Variants in SLC35A3 observed in about 807,000 individuals in gnomAD.
The protein encoded by SLC35A3 is UDP-N-acetylglucosamine transporter.
Under a neutral mutation model 39.0 loss-of-function variants are expected in SLC35A3, and 26 were observed. The ratio of observed to expected loss-of-function variants is 0.67; its 90% CI spans 0.49 to 0.92. The LOEUF is 0.92. SLC35A3 is among the 40% of genes least tolerant of loss of function. The pLI, the probability that SLC35A3 is intolerant of heterozygous loss-of-function variation, is 0.00. For missense variants in SLC35A3, 299 were observed against 371.6 expected (o/e 0.80, Z 1.61); for synonymous variants, 135 against 133.1 (o/e 1.01, Z -0.10).
rs1661221502 is a variant in SLC35A3, at chr1:100,031,374, T to C, written c.*8898T>C. 1 of 152,234 alleles carries C rather than the reference T, an allele frequency of 6.6e-6. No individual in the cohort carries two copies. Among genetic ancestry groups the C allele is most frequent in the South Asian group, 2.1e-4 (1 of 4,832 alleles). The allele number at this position is 152,234 out of a possible 1,614,324, so 9.4% of individuals were successfully genotyped here. A position where few individuals can be genotyped will look rare whatever the true frequency, so the allele number is the denominator to read the frequency against. On this transcript the variant is annotated 3_prime_UTR_variant, in exon 8 of 8. Transcript: ENST00000533028. Reference sequence around the variant, plus strand: ...CACTTTACCCCTACATACTCCAGCATGCGTGACCTAAAGATATGGACATCT... The same window carrying C: ...CACTTTACCCCTACATACTCCAGCACGCGTGACCTAAAGATATGGACATCT...
intron 1 of SLC35A3, among the ~76,000 whole-genome samples, chr1:99,981,381 A>G (rs1021442080): frequency 6.6e-6 from 1 of 152,200 alleles, no homozygotes; most frequent in Non-Finnish European, 1.5e-5. Context: ...TAACTTAGGA[A>G]TTTAGCCCTT....
At chr1:100,017,094 T>C (rs1660187703) in intron 6 of SLC35A3, among the ~76,000 whole-genome samples, 1 of 152,170 alleles carries the variant, frequency 6.6e-6, no homozygotes, top group Admixed American at 6.5e-5. Context: ...AGCAAAACTG[T>C]GTAGTATAGT....
chr1:99,973,473 G>C (rs1261410544), intron 1 of SLC35A3, among the ~76,000 whole-genome samples: 1 of 152,106 alleles, frequency 6.6e-6, no homozygotes, highest in Non-Finnish European at 1.5e-5. Flanking sequence ...TTTCTTTAAT[G>C]TATCTTTTAT....
intron 6 of SLC35A3, among the ~76,000 whole-genome samples, chr1:100,017,180 A>C (rs1424839067): frequency 6.6e-6 from 1 of 152,222 alleles, no homozygotes; most frequent in Non-Finnish European, 1.5e-5. Context: ...GTCTTAAAGA[A>C]AAAGCACAAT....
At chr1:99,985,470 C>T (rs1657695228) in intron 1 of SLC35A3, among the ~76,000 whole-genome samples, 2 of 152,094 alleles carry the variant, frequency 1.3e-5, no homozygotes, top group African/African-American at 4.8e-5. Flanking sequence ...TGACTATGGC[C>T]TTATAGTATA....
chr1:99,996,682 G>A (rs1383181272), intron 2 of SLC35A3, among the ~76,000 whole-genome samples: 1 of 152,070 alleles, frequency 6.6e-6, no homozygotes, highest in East Asian at 1.9e-4. Flanking sequence ...GATCTAGCCT[G>A]GGCAACATAG....
At chr1:99,998,869 G>A (rs1658573281) in intron 2 of SLC35A3, among the ~76,000 whole-genome samples, 1 of 152,026 alleles carries the variant, frequency 6.6e-6, no homozygotes, top group African/African-American at 2.4e-5. Flanking sequence ...TTACTAATTG[G>A]CATGAATGGC....
chr1:99,990,068 T>G (rs902840034), intron 1 of SLC35A3, among the ~76,000 whole-genome samples: 2 of 152,198 alleles, frequency 1.3e-5, no homozygotes, highest in African/African-American at 4.8e-5. Context: ...GATTTTTAAT[T>G]TTAATGTGTC....
At chr1:100,018,513 A>C (rs184521731) in intron 7 of SLC35A3, among the ~76,000 whole-genome samples, 1 of 152,030 alleles carries the variant, frequency 6.6e-6, no homozygotes, top group East Asian at 1.9e-4. Flanking sequence ...TCTTTTATTT[A>C]TTTATTACTT....
At chr1:99,991,297 A>G (rs1381933601) in intron 1 of SLC35A3, among the ~76,000 whole-genome samples, 2 of 152,112 alleles carry the variant, frequency 1.3e-5, no homozygotes, top group African/African-American at 4.8e-5. Context: ...GGTGCCCGCC[A>G]CCATGCCCGG....
At position 100,033,333 on chromosome 1, in the gene SLC35A3, T is replaced by C. The variant is rs1031476063; in HGVS notation, c.*10857T>C. The C allele has an allele frequency of 6.6e-6, 1 of 151,990 alleles. No homozygotes were observed. Among genetic ancestry groups the C allele is most frequent in the South Asian group, 2.1e-4 (1 of 4,814 alleles). 9.4% of individuals were successfully genotyped at this position (151,990 alleles called of 1,614,324 possible). A position where few individuals can be genotyped will look rare whatever the true frequency, so the allele number is the denominator to read the frequency against. On this transcript the variant is annotated 3_prime_UTR_variant, in exon 8 of 8. Transcript: ENST00000533028. ...ATAAATTTTTTCGAAAAGTTTTATA[T>C]GAAAAGTGTACTCTGAAAAAATCTA...
chr1:100,032,229 A>G lies in SLC35A3; in HGVS notation c.*9753A>G, dbSNP rs1285280518. Reference sequence around the variant, plus strand: ...ATCTATGGAGTAATGTTTTAGCACCAGGAGAATATTCTGTTTCCCAATGCC... The same window carrying G: ...ATCTATGGAGTAATGTTTTAGCACCGGGAGAATATTCTGTTTCCCAATGCC... On this transcript the variant is annotated 3_prime_UTR_variant, in exon 8 of 8. Coordinates refer to ENST00000533028, the MANE Select transcript of SLC35A3 (RefSeq NM_012243.3). 6.6e-6 allele frequency: 1 copy of G among 152,182 alleles called. No individual in the cohort carries two copies. Among genetic ancestry groups the G allele is most frequent in the Non-Finnish European group, 1.5e-5 (1 of 68,022 alleles). The allele number at this position is 152,182 out of a possible 1,614,324, so 9.4% of individuals were successfully genotyped here. A position where few individuals can be genotyped will look rare whatever the true frequency, so the allele number is the denominator to read the frequency against.
chr1:99,977,703 A>C (rs1291769214), intron 1 of SLC35A3, among the ~76,000 whole-genome samples: 3 of 152,174 alleles, frequency 2.0e-5, no homozygotes, highest in African/African-American at 7.2e-5. Context: ...TATCTGGCTA[A>C]TTTTTTAAAG....
chr1:99,992,681 T>C (rs561418663), intron 1 of SLC35A3, among the ~76,000 whole-genome samples: 2 of 152,376 alleles, frequency 1.3e-5, no homozygotes, highest in East Asian at 3.9e-4. Flanking sequence ...AACAACTGTG[T>C]CATCTCTGCA....
At chr1:99,975,630 C>T (rs764893940) in intron 1 of SLC35A3, among the ~76,000 whole-genome samples, 1 of 152,010 alleles carries the variant, frequency 6.6e-6, no homozygotes, top group Non-Finnish European at 1.5e-5. Context: ...AATATTTGTT[C>T]GTGAATGCAT....
intron 1 of SLC35A3, among the ~76,000 whole-genome samples, chr1:99,977,120 C>T (rs1434626275): frequency 6.6e-6 from 1 of 152,016 alleles, no homozygotes; most frequent in Non-Finnish European, 1.5e-5. Flanking sequence ...TTTAAGGCCC[C>T]TCACCATTCA....
Position 100,001,223 on chromosome 1 carries a change from T to A in SLC35A3, c.342+1808T>A, listed in dbSNP as rs115535989. ...TGTGGTTCCATATGAATTTTAGGAT[T>A]GTTTTTTCTGTTTCTGTGAAGAGTG... is the stretch of plus-strand genomic sequence containing the variant. On this transcript the variant is annotated intron_variant, in intron 3 of 7. Transcript: ENST00000533028. Among the ~76,000 whole-genome samples the A allele has an allele frequency of 4.5e-3, 684 of 152,224 alleles. 4 individuals carry two copies. Among genetic ancestry groups the A allele is most frequent in the African/African-American group, 0.016 (661 of 41,548 alleles).
chr1:99,982,881 G>A (rs1468765787), intron 1 of SLC35A3, among the ~76,000 whole-genome samples: 1 of 152,098 alleles, frequency 6.6e-6, no homozygotes, highest in African/African-American at 2.4e-5. Flanking sequence ...AGGAGAATTA[G>A]TGATTAGAAA....
At position 100,017,685 on chromosome 1, in the gene SLC35A3, C is replaced by A; in HGVS notation, c.757C>A (p.Leu253Ile). Residue 253 changes from leucine (L) to isoleucine (I), a missense_variant, in exon 7 of 8, where the codon CTT (leucine) becomes ATT (isoleucine). Leu to Ile is a conservative substitution (Grantham distance 5). Transcript: ENST00000533028. ...AAATATTTTTTTAAAACTTCAGGCA[C>A]TTGGAGGCCTTGTAATAGCTGCTGT... Reference protein sequence around the residue: ...LTWIVVVLQALGGLVIAAVIK... With the variant: ...LTWIVVVLQAIGGLVIAAVIK... 1 of 1,541,454 alleles carries A rather than the reference C, an allele frequency of 6.5e-7. No homozygotes were observed. Among genetic ancestry groups the A allele is most frequent in the Non-Finnish European group, 8.7e-7 (1 of 1,144,620 alleles).
Sources: allele counts gnomAD v4.1 joint callset (sites outside exome capture counted in the v4.1 genomes callset), GRCh38; gene constraint gnomAD v4.1.1; transcripts MANE v1.5; gene names NCBI Gene and HGNC (gene_info 2026-07-23, HGNC 2026-07-21).